Variants in IL36A observed in about 807,000 individuals in gnomAD.
IL36A encodes the protein interleukin-36 alpha.
A neutral mutation model predicts 12.7 loss-of-function variants in IL36A; 13 were observed. The observed-to-expected ratio is 1.02, with a 90% CI of 0.67 to 1.63. The LOEUF (loss-of-function observed/expected upper bound fraction) is 1.63, where lower values mean the gene tolerates loss of function less well. Ranked by LOEUF, IL36A falls within the 40% of genes most tolerant of loss-of-function variation. The pLI is 0.00. For synonymous variants in IL36A, 73 were observed against 71.9 expected (o/e 1.01, Z -0.08); for missense variants, 195 against 192.9 (o/e 1.01, Z -0.07).
downstream of IL36A, among the ~76,000 whole-genome samples, chr2:113,009,207 A>C (rs1336621716): frequency 1.3e-5 from 2 of 151,232 alleles, no homozygotes; most frequent in Non-Finnish European, 2.9e-5. Flanking sequence ...CATTTTCTTA[A>C]TCCAGTCTAT....
chr2:113,006,079 T>G lies in IL36A; in HGVS notation c.116T>G (p.Met39Arg). 6.2e-7 allele frequency: 1 copy of G among 1,606,606 alleles called. No homozygotes were observed. The highest frequency in any genetic ancestry group is 8.5e-7 in the Non-Finnish European group (1 of 1,173,154). ...ATAGCAGTCCCGAGGAAGGACCGTA[T>G]GTCTCCAGGTGAGTAGCCACGGTCT... Reference protein sequence around the residue: ...TLIAVPRKDRMSPVTIALISC... With the variant: ...TLIAVPRKDRRSPVTIALISC... The change falls in exon 2 of 4, where the codon ATG becomes AGG. Residue 39 changes from methionine (M) to arginine (R), a missense_variant. Met to Arg is a moderately conservative substitution (Grantham distance 91). Transcript: ENST00000259211.
At position 113,006,019 on chromosome 2, in the gene IL36A, A is replaced by G. The variant is rs1395575462; in HGVS notation, c.56A>G (p.Asn19Ser). The part of the protein sequence containing the change: ...TPQQGSIQDI[N>S]HRVWVLQDQT... ...CAGCAGGGGAGCATTCAGGATATCA[A>G]TCATCGGGTGTGGGTTCTTCAGGAC... Residue 19 changes from asparagine (N) to serine (S), a missense_variant, in exon 2 of 4, where the codon AAT becomes AGT. By Grantham distance (46) the Asn-to-Ser change is conservative. Coordinates refer to ENST00000259211, the MANE Select transcript of IL36A (RefSeq NM_014440.3). The G allele has an allele frequency of 1.9e-6, 3 of 1,614,138 alleles. No homozygotes were observed. Among genetic ancestry groups the G allele is most frequent in the East Asian group, 2.2e-5 (1 of 44,878 alleles).
At position 113,005,668 on chromosome 2, in the gene IL36A, G is replaced by C; in HGVS notation, c.-204G>C. On this transcript the variant is annotated 5_prime_UTR_variant, in exon 1 of 4. Transcript: ENST00000259211. Reference sequence around the variant, plus strand: ...CATAGGTGCAGCTGCTTCTGCTGGAGGTAGACTGCATCCAACAAAGTAAGG... The same window carrying C: ...CATAGGTGCAGCTGCTTCTGCTGGACGTAGACTGCATCCAACAAAGTAAGG... The C allele has an allele frequency of 1.6e-6, 1 of 632,744 alleles. No homozygotes were observed. The highest frequency in any genetic ancestry group is 1.9e-5 in the South Asian group (1 of 52,134). 39.2% of individuals were successfully genotyped at this position (632,744 alleles called of 1,614,324 possible).
At chr2:113,006,152 G>C (rs1684616487) in intron 2 of IL36A, 65 bp downstream of exon 2, 1 of 1,030,504 alleles carries the variant, frequency 9.7e-7, no homozygotes, top group Admixed American at 1.8e-5. Context: ...TTGGTGCTCA[G>C]ATGTTATTCC....
In IL36A at chr2:113,005,626, T is replaced by C. The variant is rs1475836709; in HGVS notation, c.-246T>C. 6.7e-6 allele frequency: 4 copies of C among 596,198 alleles called. No homozygotes were observed. The highest frequency in any genetic ancestry group is 1.2e-5 in the Non-Finnish European group (4 of 333,124). 36.9% of individuals were successfully genotyped at this position (596,198 alleles called of 1,614,324 possible). On this transcript the variant is annotated 5_prime_UTR_variant, in exon 1 of 4. Coordinates refer to ENST00000259211, the MANE Select transcript of IL36A (RefSeq NM_014440.3). ...TTTGTCATATTAGAGTTCCTGGGTC[T>C]AGGCCTGGGCAGGATTCATAGGTGC...
downstream of IL36A, among the ~76,000 whole-genome samples, chr2:113,009,791 G>T (rs1684699308): frequency 6.6e-6 from 1 of 152,172 alleles, no homozygotes; most frequent in Non-Finnish European, 1.5e-5. Flanking sequence ...ACAGCTATCT[G>T]AAAAACCCTC....
downstream of IL36A, chr2:113,008,164 C>A: frequency 1.2e-6 from 1 of 801,512 alleles, no homozygotes; most frequent in Non-Finnish European, 2.1e-6. Flanking sequence ...TGCTGCCTCC[C>A]AATATATTCA....
At chr2:113,008,796 A>T (rs1348890039), downstream of IL36A, among the ~76,000 whole-genome samples, 4 of 151,696 alleles carry the variant, frequency 2.6e-5, no homozygotes, top group Admixed American at 2.6e-4. Context: ...GCTGTGGTTT[A>T]TGAAGCTTTC....
rs776177247 is a variant in IL36A at position 113,006,054 on chromosome 2, A to G, written c.91A>G (p.Ile31Val). The G allele has an allele frequency of 1.9e-6, 3 of 1,613,976 alleles. No homozygotes were observed. Among genetic ancestry groups the G allele is most frequent in the South Asian group, 1.1e-5 (1 of 91,076 alleles). Residue 31 changes from isoleucine to valine, a missense_variant, in exon 2 of 4, where the codon ATA becomes GTA. Physicochemically the swap from Ile to Val is conservative, Grantham distance 29. Coordinates refer to ENST00000259211, the MANE Select transcript of IL36A (RefSeq NM_014440.3). ...GTGGGTTCTTCAGGACCAGACGCTC[A>G]TAGCAGTCCCGAGGAAGGACCGTAT... ...RVWVLQDQTL[I>V]AVPRKDRMSP...
At chr2:113,006,502 TGTGA>T in intron 2 of IL36A, 92 bp from the exon 3 acceptor site, 1 of 1,382,756 alleles carries the variant, frequency 7.2e-7, no homozygotes, top group East Asian at 2.3e-5. Flanking sequence ...ATGAGTGCAC[TGTGA>T]GTGTCAGTTA....
Position 113,005,767 on chromosome 2 carries a change from C to G in IL36A, c.-105C>G. ...GGCTGGCCGCCAGTCTTTCATCTGA[C>G]CCAGGGTTAAACTGTGGCTTGGGAC... On this transcript the variant is annotated 5_prime_UTR_variant, in exon 1 of 4. Transcript: ENST00000259211. 7.7e-7 allele frequency: 1 copy of G among 1,295,398 alleles called. No homozygotes were observed. The highest frequency in any genetic ancestry group is 1.1e-6 in the Non-Finnish European group (1 of 889,622). 80.2% of individuals were successfully genotyped at this position (1,295,398 alleles called of 1,614,324 possible).
rs765315674 is a variant in IL36A, at chr2:113,006,700, G to A, written c.227G>A (p.Cys76Tyr). Residue 76 changes from cysteine (C) to tyrosine (Y), a missense_variant, in exon 3 of 4, where the codon TGT (cysteine) becomes TAT (tyrosine). Coordinates refer to ENST00000259211, the MANE Select transcript of IL36A (RefSeq NM_014440.3). ...AATGGACTCAATCTCTGCCTGATGT[G>A]TGCTAAAGTCGGGGACCAGCCCACA... is the stretch of plus-strand genomic sequence containing the variant. ...GLNGLNLCLM[C>Y]AKVGDQPTLQ... 1.2e-6 allele frequency: 2 copies of A among 1,614,062 alleles called. No individual in the cohort carries two copies. The highest frequency in any genetic ancestry group is 2.7e-5 in the African/African-American group (2 of 74,916).
downstream of IL36A, chr2:113,008,070 T>G (rs747920663): frequency 1.3e-6 from 2 of 1,568,740 alleles, no homozygotes; most frequent in Non-Finnish European, 1.8e-6. Flanking sequence ...GAGGATAGTC[T>G]CCATGCAGGG....
chr2:113,010,345 A>G (rs1359675554), downstream of IL36A, among the ~76,000 whole-genome samples: 1 of 152,140 alleles, frequency 6.6e-6, no homozygotes, highest in African/African-American at 2.4e-5. Context: ...CGAGCTTTTC[A>G]TTTCTCATGG....
chr2:113,010,758 T>G (rs1346965816), downstream of IL36A, among the ~76,000 whole-genome samples: 1 of 152,202 alleles, frequency 6.6e-6, no homozygotes, highest in Non-Finnish European at 1.5e-5. Context: ...CCTAATAAAT[T>G]TTTAAATGTA....
downstream of IL36A, chr2:113,008,513 A>G (rs1253766883): frequency 3.8e-5 from 9 of 237,876 alleles, no homozygotes; most frequent in Non-Finnish European, 5.9e-5. Context: ...GGCGCCCGCT[A>G]CCACGCCCGG....
chr2:113,006,888 G>T, intron 3 of IL36A, 151 bp downstream of exon 3: 1 of 655,330 alleles, frequency 1.5e-6, no homozygotes, highest in Non-Finnish European at 2.4e-6. Context: ...AAAAATTGCA[G>T]GGACATTTTG....
Position 113,005,673 on chromosome 2 carries a change from A to G in IL36A, c.-199A>G, listed in dbSNP as rs1684598994. 1 of 638,476 alleles carries G rather than the reference A, an allele frequency of 1.6e-6. No individual in the cohort carries two copies. The highest frequency in any genetic ancestry group is 2.8e-6 in the Non-Finnish European group (1 of 352,392). The allele number at this position is 638,476 out of a possible 1,614,324, so 39.6% of individuals were successfully genotyped here. On this transcript the variant is annotated 5_prime_UTR_variant, in exon 1 of 4. Coordinates refer to ENST00000259211, the MANE Select transcript of IL36A (RefSeq NM_014440.3). ...GTGCAGCTGCTTCTGCTGGAGGTAG[A>G]CTGCATCCAACAAAGTAAGGGTGCT...
Position 113,007,837 on chromosome 2 carries a change from G to A in IL36A, c.270G>A (p.Lys90=). ...GTCTCCTTCGCACCCTTCAGGAAAA[G>A]GATATAATGGATTTGTACAACCAAC... is the stretch of plus-strand genomic sequence containing the variant. The part of the protein sequence containing the change: ...GDQPTLQLKE[K]DIMDLYNQPE... The change falls in exon 4 of 4, where the codon AAG becomes AAA. Residue 90 remains lysine (K), a synonymous_variant. Transcript: ENST00000259211. 7 of 1,613,626 alleles carry A rather than the reference G, an allele frequency of 4.3e-6. No individual in the cohort carries two copies. Among genetic ancestry groups the A allele is most frequent in the African/African-American group, 1.3e-5 (1 of 75,018 alleles).
Sources: allele counts gnomAD v4.1 joint callset (sites outside exome capture counted in the v4.1 genomes callset), GRCh38; gene constraint gnomAD v4.1.1; transcripts MANE v1.5; gene names NCBI Gene and HGNC (gene_info 2026-07-23, HGNC 2026-07-21).